FYB1: variants seen among roughly 807,000 people sequenced by gnomAD.
The protein encoded by FYB1 is FYN binding protein 1, also known as FYN-binding protein 1.
Under a neutral mutation model 94.1 loss-of-function variants are expected in FYB1, and 41 were observed. That is an observed-to-expected ratio of 0.44 (90% CI 0.34 to 0.57). The LOEUF (loss-of-function observed/expected upper bound fraction) is 0.57. Among genes scored for constraint, FYB1 ranks in the 20% least tolerant of loss-of-function variants. FYB1 has a pLI of 0.02. For synonymous variants in FYB1, 367 were observed against 353.2 expected (o/e 1.04, Z -0.44); for missense variants, 1,050 against 976.8 (o/e 1.07, Z -1.00).
At chr5:39,248,290 G>A (rs1259104379) in intron 1 of FYB1, among the ~76,000 whole-genome samples, 2 of 152,146 alleles carry the variant, frequency 1.3e-5, no homozygotes, top group African/African-American at 2.4e-5. Context: ...TTAGGGACTG[G>A]TTGGTGGAGA....
intron 2 of FYB1, among the ~76,000 whole-genome samples, chr5:39,189,817 G>T (rs1039931056): frequency 6.6e-6 from 1 of 152,198 alleles, no homozygotes; most frequent in Admixed American, 6.5e-5. Context: ...GCACACACAT[G>T]CCTTTGATAA....
intron 16 of FYB1, among the ~76,000 whole-genome samples, chr5:39,118,627 C>T (rs748377974): frequency 2.0e-5 from 3 of 152,070 alleles, no homozygotes; most frequent in Non-Finnish European, 4.4e-5. Flanking sequence ...TTTTGAGAAG[C>T]AGTAATTTGG....
intron 16 of FYB1, 49 bp from the exon 17 acceptor site, chr5:39,110,438 A>G: frequency 8.2e-7 from 1 of 1,221,154 alleles, no homozygotes; most frequent in Non-Finnish European, 1.2e-6. Flanking sequence ...AGGTTGAAAA[A>G]TCTTTAGTAC....
At chr5:39,110,793 T>C in intron 16 of FYB1, 1 of 371,826 alleles carries the variant, frequency 2.7e-6, no homozygotes, top group Non-Finnish European at 5.1e-6. Context: ...CCACCAGATC[T>C]AAGACTTACT....
intron 2 of FYB1, among the ~76,000 whole-genome samples, chr5:39,193,098 C>G (rs1747512102): frequency 1.3e-5 from 2 of 152,198 alleles, no homozygotes; most frequent in Non-Finnish European, 2.9e-5. Flanking sequence ...CCACTGGGAT[C>G]ATGTCCACAA....
chr5:39,213,041 A>C (rs1331270624), intron 1 of FYB1: 1 of 151,168 alleles, frequency 6.6e-6, no homozygotes, highest in Non-Finnish European at 1.5e-5. Flanking sequence ...AAAAAACCCA[A>C]CTCTACATAT....
intron 1 of FYB1, among the ~76,000 whole-genome samples, chr5:39,216,886 A>C (rs1662214301): frequency 1.3e-5 from 2 of 152,192 alleles, no homozygotes; most frequent in Non-Finnish European, 1.5e-5. Context: ...CGTGATTAAC[A>C]AGGTTATGTA....
chr5:39,160,884 C>T (rs945748503), intron 2 of FYB1, among the ~76,000 whole-genome samples: 50 of 152,186 alleles, frequency 3.3e-4, no homozygotes, highest in African/African-American at 1.1e-3. Context: ...GATCATCATA[C>T]TTCAGTAACT....
chr5:39,116,816 T>C (rs1739609595), intron 16 of FYB1, among the ~76,000 whole-genome samples: 1 of 145,756 alleles, frequency 6.9e-6, no homozygotes, highest in Non-Finnish European at 1.5e-5. Flanking sequence ...ATGCCATTTT[T>C]ATAAATGTAA....
chr5:39,217,991 A>T (rs1750002394), intron 1 of FYB1, among the ~76,000 whole-genome samples: 1 of 152,226 alleles, frequency 6.6e-6, no homozygotes, highest in Non-Finnish European at 1.5e-5. Context: ...TCTATGAAGC[A>T]GCCGTAACTT....
At chr5:39,187,110 A>C (rs1330051287) in intron 2 of FYB1, among the ~76,000 whole-genome samples, 1 of 152,228 alleles carries the variant, frequency 6.6e-6, no homozygotes, top group Non-Finnish European at 1.5e-5. Flanking sequence ...ACAGATCGTT[A>C]AGTGCTCATT....
intron 2 of FYB1, among the ~76,000 whole-genome samples, chr5:39,188,342 T>C (rs1226915481): frequency 6.6e-6 from 1 of 152,184 alleles, no homozygotes; most frequent in Admixed American, 6.5e-5. Flanking sequence ...GGATTATTCA[T>C]TCATTTGCAT....
At chr5:39,210,977 T>C (rs1472895926) in intron 1 of FYB1, 1 of 152,224 alleles carries the variant, frequency 6.6e-6, no homozygotes, top group Non-Finnish European at 1.5e-5. Flanking sequence ...GAGATGTAGA[T>C]AGTACAGAAC....
intron 16 of FYB1, among the ~76,000 whole-genome samples, chr5:39,117,442 A>C (rs1739680346): frequency 6.6e-6 from 1 of 152,136 alleles, no homozygotes; most frequent in African/African-American, 2.4e-5. Flanking sequence ...CTTAAGGTAG[A>C]TCCTCGCAAA....
chr5:39,190,767 T>TG, intron 2 of FYB1, among the ~76,000 whole-genome samples: 1 of 93,348 alleles, frequency 1.1e-5, no homozygotes, highest in Admixed American at 1.4e-4. Context: ...ACCATGCTTA[T>TG]TTGTGTGTGT....
At position 39,226,403 on chromosome 5, in the gene FYB1, A is replaced by T. The variant is rs1014908990; in HGVS notation, c.-27-23416T>A. On this transcript the variant is annotated intron_variant, in intron 1 of 1. Transcript: ENST00000510188. ...TCACTAGCTTTCCAAACCTTTAAAA[A>T]AAAAAAAAATCAACTCTTTAAGAGT... Among the ~76,000 whole-genome samples, 390 of 149,772 alleles carry T rather than the reference A, an allele frequency of 2.6e-3. 1 individual carries two copies. Among genetic ancestry groups the T allele is most frequent in the Middle Eastern group, 0.017 (5 of 288 alleles).
At position 39,110,402 on chromosome 5, in the gene FYB1, AAG is replaced by A; in HGVS notation, c.2402-15_2402-14del. ...AGGACATAACCATCTACGAAGGAAA[AAG>A]GAAATAAATTGTATCAATAATACAG... On this transcript the variant is annotated splice_polypyrimidine_tract_variant and intron_variant, in intron 16 of 18. Transcript: ENST00000512982. 1 of 1,577,526 alleles carries A rather than the reference AAG, an allele frequency of 6.3e-7. No individual in the cohort carries two copies. The highest frequency in any genetic ancestry group is 2.3e-5 in the East Asian group (1 of 44,192).
At chr5:39,233,393 C>T (rs1051451291) in intron 1 of FYB1, among the ~76,000 whole-genome samples, 1 of 152,122 alleles carries the variant, frequency 6.6e-6, no homozygotes, top group Admixed American at 6.6e-5. Context: ...TCATTGCTTA[C>T]AAGTCCAGTT....
chr5:39,202,043 T>G lies in FYB1; in HGVS notation c.918A>C (p.Ser306=). Residue 306 remains serine (S), a synonymous_variant, in exon 2 of 19, where the codon TCA becomes TCC. Coordinates refer to ENST00000512982, the MANE Select transcript of FYB1 (RefSeq NM_001465.6). ...QSKINQEELA[S]GTPPARFPKA... The stretch of plus-strand genomic sequence containing the variant: ...TAGGGAACCTGGCAGGAGGAGTCCC[T>G]GAGGCCAACTCTTCCTGATTTATTT... 1 of 1,614,046 alleles carries G rather than the reference T, an allele frequency of 6.2e-7. No individual in the cohort carries two copies. The highest frequency in any genetic ancestry group is 8.5e-7 in the Non-Finnish European group (1 of 1,179,890).
Sources: allele counts gnomAD v4.1 joint callset (sites outside exome capture counted in the v4.1 genomes callset), GRCh38; gene constraint gnomAD v4.1.1; transcripts MANE v1.5; gene names NCBI Gene and HGNC (gene_info 2026-07-23, HGNC 2026-07-21).